The following PARVB variants were observed in gnomAD, a reference collection of about 807,000 sequenced individuals.
The protein encoded by PARVB is beta-parvin.
PARVB carries 46 observed loss-of-function variants against 47.0 expected under a neutral mutation model. The observed-to-expected ratio is 0.98, with a 90% CI of 0.77 to 1.25. PARVB has a LOEUF of 1.25. Among genes scored for constraint, PARVB ranks in the 50% most tolerant of loss-of-function variants. PARVB has a pLI of 0.00. For missense variants in PARVB, 473 were observed against 471.6 expected, an observed-to-expected ratio of 1.00 and a Z score of -0.03; for synonymous variants, 196 against 196.3, an observed-to-expected ratio of 1.00 and a Z score of 0.01.
At chr22:44,007,239 TG>T (rs952430017) in intron 2 of PARVB, among the ~76,000 whole-genome samples, 1 of 82,494 alleles carries the variant, frequency 1.2e-5, no homozygotes, top group African/African-American at 5.0e-5. Context: ...CCAGGAAAGA[TG>T]GGGAGGGGGT....
chr22:44,007,284 G>C (rs1428946148), intron 2 of PARVB, among the ~76,000 whole-genome samples: 1 of 152,130 alleles, frequency 6.6e-6, no homozygotes, highest in African/African-American at 2.4e-5. Context: ...AGGTGGGCTG[G>C]GGGGAGTGGA....
At chr22:44,036,028 C>T (rs561900673) in intron 1 of PARVB, among the ~76,000 whole-genome samples, 1 of 151,996 alleles carries the variant, frequency 6.6e-6, no homozygotes, top group Non-Finnish European at 1.5e-5. Flanking sequence ...GAGGCCGAGG[C>T]GGGCGGATCA....
At chr22:44,158,113 G>C (rs1198282908) in intron 11 of PARVB, 30 bp downstream of exon 11, 1 of 1,442,596 alleles carries the variant, frequency 6.9e-7, no homozygotes. Context: ...CCTTGGTAGG[G>C]GCTCAAGAAA....
intron 1 of PARVB, among the ~76,000 whole-genome samples, chr22:44,053,581 A>C (rs1170872452): frequency 6.6e-6 from 1 of 152,134 alleles, no homozygotes; most frequent in South Asian, 2.1e-4. Flanking sequence ...TTTTTCCTGC[A>C]CCAACTGGCG....
intron 2 of PARVB, among the ~76,000 whole-genome samples, chr22:44,008,150 G>A (rs1448282134): frequency 1.3e-5 from 2 of 152,022 alleles, no homozygotes; most frequent in African/African-American, 4.8e-5. Context: ...ACCCAGGCTG[G>A]AGCACAGTTG....
chr22:44,161,970 G>A (rs956277810), intron 11 of PARVB, among the ~76,000 whole-genome samples: 1 of 152,196 alleles, frequency 6.6e-6, no homozygotes, highest in African/African-American at 2.4e-5. Flanking sequence ...TTTCTGAGTT[G>A]GCCTCTGGAG....
At chr22:44,124,400 A>G (rs2053140628) in intron 4 of PARVB, among the ~76,000 whole-genome samples, 1 of 152,152 alleles carries the variant, frequency 6.6e-6, no homozygotes. Flanking sequence ...GGGTCAGCAG[A>G]TCCTCTCTCT....
chr22:44,005,976 CAT>C (rs1420115081), intron 2 of PARVB, among the ~76,000 whole-genome samples: 1 of 152,226 alleles, frequency 6.6e-6, no homozygotes, highest in Non-Finnish European at 1.5e-5. Flanking sequence ...CGCCAAGACT[CAT>C]AATCAAGACC....
At chr22:44,154,218 G>A (rs574083579) in intron 10 of PARVB, among the ~76,000 whole-genome samples, 48 of 151,956 alleles carry the variant, frequency 3.2e-4, no homozygotes, top group Non-Finnish European at 5.4e-4. Context: ...TTTTCCCCCC[G>A]ATTAATCGTA....
chr22:44,096,582 A>G (rs1315919749), intron 2 of PARVB, among the ~76,000 whole-genome samples: 1 of 152,126 alleles, frequency 6.6e-6, no homozygotes, highest in East Asian at 1.9e-4. Flanking sequence ...GGTGGGTTGT[A>G]TCATTATCCC....
In PARVB at chr22:44,067,883, A is replaced by G. The variant is rs371065620; in HGVS notation, c.113-26045A>G. On this transcript the variant is annotated intron_variant, in intron 1 of 12. Coordinates refer to ENST00000338758, the MANE Select transcript of PARVB (RefSeq NM_013327.5). The stretch of plus-strand genomic sequence containing the variant: ...CCTCAAGTCCTAGTTTTGACTCTGG[A>G]TGAAGCTTGGTTTGTGCCGTGGGAG... Among the ~76,000 whole-genome samples the G allele has an allele frequency of 2.1e-4, 32 of 152,254 alleles. 2 individuals are homozygous for G. The highest frequency in any genetic ancestry group is 1.1e-3 in the Admixed American group (17 of 15,296).
At chr22:44,046,666 A>G (rs2146929442) in intron 1 of PARVB, among the ~76,000 whole-genome samples, 1 of 152,318 alleles carries the variant, frequency 6.6e-6, no homozygotes, top group East Asian at 1.9e-4. Flanking sequence ...GACACACTTG[A>G]TTAAAGGTGC....
intron 1 of PARVB, among the ~76,000 whole-genome samples, chr22:44,038,499 G>T (rs1185786671): frequency 6.6e-6 from 1 of 152,018 alleles, no homozygotes; most frequent in African/African-American, 2.4e-5. Flanking sequence ...CTGGACCTGG[G>T]GCCGGGCGTG....
In PARVB at chr22:44,137,397, A is replaced by G. The variant is rs544670290; in HGVS notation, c.692+879A>G. 2.6e-5 allele frequency among the ~76,000 whole-genome samples: 4 copies of G among 152,368 alleles called. No homozygotes were observed. In the East Asian group the frequency reaches 7.7e-4, roughly 29 times the overall value. On this transcript the variant is annotated intron_variant, in intron 7 of 12. Coordinates refer to ENST00000338758, the MANE Select transcript of PARVB (RefSeq NM_013327.5). ...AGGATGAGAATGTGGTTCTTTGCCC[A>G]GCACAGTGGGCCTTTGGCAGCAGCT...
At position 44,102,567 on chromosome 22, in the gene PARVB, A is replaced by G. The variant is rs9626110; in HGVS notation, c.273+2444A>G. Among the ~76,000 whole-genome samples, 1,411 of 152,168 alleles carry G rather than the reference A, an allele frequency of 9.3e-3. 18 individuals are homozygous for G. Among genetic ancestry groups the G allele is most frequent in the African/African-American group, 0.033 (1,360 of 41,494 alleles). Reference sequence around the variant, plus strand: ...GAGAGAGGTGAAGGGGCTGGGCGCCATGGCTCACACCTGAAATCCCAGCGC... The same window carrying G: ...GAGAGAGGTGAAGGGGCTGGGCGCCGTGGCTCACACCTGAAATCCCAGCGC... On this transcript the variant is annotated intron_variant, in intron 3 of 12. Coordinates refer to ENST00000338758, the MANE Select transcript of PARVB (RefSeq NM_013327.5).
Position 44,066,618 on chromosome 22 carries a change from C to G in PARVB, c.113-27310C>G, listed in dbSNP as rs939187585. ...CACGGCACACATCTGAGTTGAGATC[C>G]TGATACGCACCCTGTATAAGACCTT... On this transcript the variant is annotated intron_variant, in intron 1 of 12. Transcript: ENST00000338758. Among the ~76,000 whole-genome samples, 3 of 152,180 alleles carry G rather than the reference C, an allele frequency of 2.0e-5. No individual in the cohort carries two copies. In the South Asian group the frequency reaches 6.2e-4, roughly 32 times the overall value.
chr22:44,133,070 C>T (rs966126687), intron 6 of PARVB, 61 bp downstream of exon 6: 2 of 1,182,458 alleles, frequency 1.7e-6, no homozygotes, highest in Non-Finnish European at 2.5e-6. Flanking sequence ...CATCTTCCTC[C>T]TGCAGTTTTC....
At position 43,999,559 on chromosome 22, in the gene PARVB, TG is replaced by T; in HGVS notation, c.98del (p.Cys33PhefsTer39). On this transcript the variant is annotated frameshift_variant, in exon 2 of 14. Transcript: ENST00000406477. LOFTEE classifies it high-confidence loss of function. ...CAGGAGGCTGGAGCTGAGACGTGGG[TG>T]TTCCTGCAGCTGGGGCCTGTGCTCC... The T allele has an allele frequency of 1.9e-6, 3 of 1,605,108 alleles. No individual in the cohort carries two copies. Among genetic ancestry groups the T allele is most frequent in the Non-Finnish European group, 2.6e-6 (3 of 1,171,854 alleles).
chr22:44,005,413 G>GT lies in PARVB; in HGVS notation c.211+5753dup, dbSNP rs35410688. Among the ~76,000 whole-genome samples the GT allele has an allele frequency of 2.3e-3, 330 of 143,132 alleles. 1 individual carries two copies. Among genetic ancestry groups the GT allele is most frequent in the Middle Eastern group, 3.7e-3 (1 of 272 alleles). 93.9% of individuals were successfully genotyped at this position (143,132 alleles called of 152,430 possible). A position where few individuals can be genotyped will look rare whatever the true frequency, so the allele number is the denominator to read the frequency against. Reference sequence around the variant, plus strand: ...CATGTATGAGGTACCACGCCTGGCCGTTTTTTTTTTTTTCTTTTTACACAA... The same window carrying GT: ...CATGTATGAGGTACCACGCCTGGCCGTTTTTTTTTTTTTTCTTTTTACACAA... On this transcript the variant is annotated intron_variant, in intron 2 of 13. Transcript: ENST00000406477.
Sources: allele counts gnomAD v4.1 joint callset (sites outside exome capture counted in the v4.1 genomes callset), GRCh38; gene constraint gnomAD v4.1.1; transcripts MANE v1.5; gene names NCBI Gene and HGNC (gene_info 2026-07-23, HGNC 2026-07-21).